Variants in PDE11A observed in about 807,000 individuals in gnomAD.
PDE11A encodes dual 3',5'-cyclic-AMP and -GMP phosphodiesterase 11A.
In PDE11A, 100 loss-of-function variants were observed where a neutral mutation model predicts 100.5. That is an observed-to-expected ratio of 1.00 (90% CI 0.85 to 1.18). The LOEUF (loss-of-function observed/expected upper bound fraction) is 1.18. PDE11A is among the 50% of genes most tolerant of loss of function. PDE11A has a pLI of 0.00. For missense variants in PDE11A, 1,141 were observed against 1,152.6 expected (o/e 0.99, Z 0.15); for synonymous variants, 381 against 420.8 (o/e 0.91, Z 1.16).
At chr2:177,798,546 A>G (rs1398602170) in intron 9 of PDE11A, among the ~76,000 whole-genome samples, 1 of 152,228 alleles carries the variant, frequency 6.6e-6, no homozygotes, top group African/African-American at 2.4e-5. Context: ...GAAGTAGTAC[A>G]TAGACTCCCC....
chr2:177,876,590 C>A (rs2084245131), intron 4 of PDE11A, among the ~76,000 whole-genome samples: 1 of 148,184 alleles, frequency 6.7e-6, no homozygotes, highest in African/African-American at 2.6e-5. Context: ...CACTGTAAAC[C>A]AGGCCCTACA....
At chr2:177,831,138 C>T (rs1443753409) in intron 6 of PDE11A, among the ~76,000 whole-genome samples, 1 of 152,144 alleles carries the variant, frequency 6.6e-6, no homozygotes, top group Non-Finnish European at 1.5e-5. Flanking sequence ...CTGCTCTGTT[C>T]ACCACAAGGA....
intron 2 of PDE11A, among the ~76,000 whole-genome samples, chr2:178,102,888 T>G (rs558003885): frequency 5.9e-5 from 9 of 152,316 alleles, no homozygotes; most frequent in Non-Finnish European, 1.2e-4. Flanking sequence ...TGGTGTAGGA[T>G]GAGCCCTTAA....
At chr2:177,806,073 G>A (rs2082865310) in intron 9 of PDE11A, among the ~76,000 whole-genome samples, 1 of 152,194 alleles carries the variant, frequency 6.6e-6, no homozygotes, top group South Asian at 2.1e-4. Context: ...TCAAATGATA[G>A]TATGGGTTGG....
At chr2:177,638,898 C>T (rs764172999) in intron 19 of PDE11A, among the ~76,000 whole-genome samples, 7 of 152,206 alleles carry the variant, frequency 4.6e-5, no homozygotes, top group African/African-American at 1.2e-4. Context: ...CTTTTTGCTT[C>T]AGCCTCAGTA....
chr2:177,947,023 G>C (rs1574300425), intron 2 of PDE11A, among the ~76,000 whole-genome samples: 1 of 71,520 alleles, frequency 1.4e-5, no homozygotes, highest in African/African-American at 5.5e-5. Context: ...GGGGGGGTCA[G>C]CCCCCCGCCC....
intron 5 of PDE11A, among the ~76,000 whole-genome samples, chr2:177,862,992 C>T (rs2083968797): frequency 6.6e-6 from 1 of 151,876 alleles, no homozygotes; most frequent in South Asian, 2.1e-4. Context: ...ACACACAAGC[C>T]AGTGGAACAG....
intron 2 of PDE11A, among the ~76,000 whole-genome samples, chr2:178,009,049 G>C (rs937832293): frequency 1.3e-5 from 2 of 152,126 alleles, no homozygotes; most frequent in African/African-American, 2.4e-5. Flanking sequence ...ACACTTTTAG[G>C]GCAGATGTAT....
At chr2:177,893,493 T>C (rs2084563351) in intron 4 of PDE11A, among the ~76,000 whole-genome samples, 1 of 152,208 alleles carries the variant, frequency 6.6e-6, no homozygotes, top group Admixed American at 6.5e-5. Context: ...TAGCTGTTCC[T>C]GTATTATGAG....
chr2:178,073,793 C>G (rs148476432), upstream of PDE11A, among the ~76,000 whole-genome samples: 1 of 152,266 alleles, frequency 6.6e-6, no homozygotes, highest in African/African-American at 2.4e-5. Context: ...TAAGGACTCA[C>G]AAGTGCCTAT....
intron 5 of PDE11A, among the ~76,000 whole-genome samples, chr2:177,866,645 T>C (rs1298594276): frequency 6.6e-6 from 1 of 152,256 alleles, no homozygotes; most frequent in East Asian, 1.9e-4. Flanking sequence ...TTAGTAGGAC[T>C]GAATGTGTCT....
intron 9 of PDE11A, among the ~76,000 whole-genome samples, chr2:177,796,665 G>A (rs2082711968): frequency 6.6e-6 from 1 of 152,128 alleles, no homozygotes; most frequent in African/African-American, 2.4e-5. Context: ...GTCCCCTTAT[G>A]ACAGCACTAT....
intron 19 of PDE11A, among the ~76,000 whole-genome samples, chr2:177,658,066 C>T (rs1366867598): frequency 6.6e-6 from 1 of 152,136 alleles, no homozygotes; most frequent in Non-Finnish European, 1.5e-5. Flanking sequence ...ACTCATCACA[C>T]CCACACCATA....
chr2:177,729,187 C>T (rs951873570), intron 10 of PDE11A, among the ~76,000 whole-genome samples: 1 of 152,152 alleles, frequency 6.6e-6, no homozygotes, highest in Non-Finnish European at 1.5e-5. Flanking sequence ...CAACTCTATG[C>T]TCCTCCATAG....
At chr2:177,936,255 TA>T (rs975903215) in intron 2 of PDE11A, among the ~76,000 whole-genome samples, 2 of 152,256 alleles carry the variant, frequency 1.3e-5, no homozygotes, top group Admixed American at 6.5e-5. Context: ...AACATATTGC[TA>T]AAATTTTCCA....
intron 2 of PDE11A, among the ~76,000 whole-genome samples, chr2:177,949,672 A>G (rs982982086): frequency 6.6e-6 from 1 of 152,202 alleles, no homozygotes; most frequent in African/African-American, 2.4e-5. Flanking sequence ...TTAATACCTA[A>G]TGACAATGAT....
chr2:178,070,377 T>C (rs939583538), intron 1 of PDE11A, among the ~76,000 whole-genome samples: 1 of 152,214 alleles, frequency 6.6e-6, no homozygotes, highest in Non-Finnish European at 1.5e-5. Flanking sequence ...AACTTTCAGA[T>C]GAAATAGATA....
chr2:177,757,897 A>AT (rs1471052143), intron 10 of PDE11A, among the ~76,000 whole-genome samples: 5 of 152,154 alleles, frequency 3.3e-5, no homozygotes, highest in African/African-American at 1.2e-4. Flanking sequence ...TTTTATTAAA[A>AT]TTCTGACTTG....
rs184221483 is a variant in PDE11A, at chr2:177,983,007, G to A, written c.1071+31295C>T. Among the ~76,000 whole-genome samples, 16 of 150,592 alleles carry A rather than the reference G, an allele frequency of 1.1e-4. No homozygotes were observed. In the East Asian group the frequency reaches 3.1e-3, roughly 29 times the overall value. On this transcript the variant is annotated intron_variant, in intron 2 of 19. Coordinates refer to ENST00000286063, the MANE Select transcript of PDE11A (RefSeq NM_016953.4). ...AGGCACAAGAATCACTTGAACCTGGGGGAATTTGCAGTGACCTGAGATCGC... is the reference window on the plus strand; with the variant it reads ...AGGCACAAGAATCACTTGAACCTGGAGGAATTTGCAGTGACCTGAGATCGC...
Sources: gnomAD v4.1 joint callset for allele counts (sites outside exome capture counted in the v4.1 genomes callset) on GRCh38, gnomAD v4.1.1 for gene constraint, MANE v1.5 for transcripts, NCBI Gene and HGNC (gene_info 2026-07-23, HGNC 2026-07-21) for gene names.